SLC35F1: variants seen among roughly 807,000 people sequenced by gnomAD.
The protein encoded by SLC35F1 is chromosome 6 open reading frame 169.
SLC35F1 carries 14 observed loss-of-function variants against 48.7 expected under a neutral mutation model. The ratio of observed to expected loss-of-function variants is 0.29; its 90% CI spans 0.19 to 0.45. SLC35F1 has a LOEUF of 0.45. SLC35F1 is among the 20% of genes least tolerant of loss of function. The pLI is 1.00. For missense variants in SLC35F1, 404 were observed against 500.0 expected, an observed-to-expected ratio of 0.81 and a Z score of 1.83; for synonymous variants, 190 against 202.2, an observed-to-expected ratio of 0.94 and a Z score of 0.51.
At chr6:117,934,817 A>G (rs1189532970) in intron 1 of SLC35F1, among the ~76,000 whole-genome samples, 3 of 152,076 alleles carry the variant, frequency 2.0e-5, no homozygotes, top group Admixed American at 6.6e-5. Context: ...TGTGAAAACT[A>G]CTCACTTGGC....
chr6:117,911,165 G>C (rs1359793638), intron 1 of SLC35F1, among the ~76,000 whole-genome samples: 1 of 151,994 alleles, frequency 6.6e-6, no homozygotes, highest in Non-Finnish European at 1.5e-5. Context: ...TTCAAGACTT[G>C]GTGAAAGAGG....
At chr6:118,237,400 CT>C (rs1194036606) in intron 3 of SLC35F1, among the ~76,000 whole-genome samples, 5 of 151,336 alleles carry the variant, frequency 3.3e-5, no homozygotes, top group East Asian at 1.9e-4. Flanking sequence ...CAGTGCATAA[CT>C]TTTTTTTTCC....
chr6:118,088,858 A>G (rs1046845813), intron 1 of SLC35F1, among the ~76,000 whole-genome samples: 2 of 152,184 alleles, frequency 1.3e-5, no homozygotes, highest in African/African-American at 4.8e-5. Flanking sequence ...ACACTTCTAC[A>G]TTCATCAAGC....
chr6:118,290,984 G>A (rs1159448060), intron 7 of SLC35F1, among the ~76,000 whole-genome samples: 3 of 151,810 alleles, frequency 2.0e-5, no homozygotes, highest in South Asian at 2.1e-4. Flanking sequence ...TAGTAGAGAC[G>A]GATTTTCACT....
chr6:118,041,201 A>G (rs922744922), intron 1 of SLC35F1, among the ~76,000 whole-genome samples: 5 of 152,204 alleles, frequency 3.3e-5, no homozygotes, highest in African/African-American at 1.2e-4. Flanking sequence ...AAATTTATTA[A>G]AATATGAAGA....
intron 7 of SLC35F1, among the ~76,000 whole-genome samples, chr6:118,304,396 AAAG>A (rs1029864101): frequency 5.5e-5 from 4 of 73,358 alleles, no homozygotes; most frequent in African/African-American, 2.4e-4. Context: ...GAAGAAAAGA[AAAG>A]AAGAAGAAAG....
intron 1 of SLC35F1, among the ~76,000 whole-genome samples, chr6:117,982,892 T>C (rs1776799765): frequency 6.6e-6 from 1 of 152,150 alleles, no homozygotes; most frequent in African/African-American, 2.4e-5. Context: ...ATCAGCAAAT[T>C]AACCAATCTG....
At chr6:118,058,542 T>G (rs945731857) in intron 1 of SLC35F1, among the ~76,000 whole-genome samples, 1 of 152,212 alleles carries the variant, frequency 6.6e-6, no homozygotes, top group African/African-American at 2.4e-5. Flanking sequence ...TTAGAAGTGC[T>G]TAGAGAATAT....
chr6:118,291,573 T>A (rs1449683091), intron 7 of SLC35F1, among the ~76,000 whole-genome samples: 1 of 152,216 alleles, frequency 6.6e-6, no homozygotes, highest in Non-Finnish European at 1.5e-5. Context: ...TAAATTTATC[T>A]ATTTGGTTAA....
chr6:118,063,039 C>G (rs543953108), intron 1 of SLC35F1, among the ~76,000 whole-genome samples: 1 of 151,994 alleles, frequency 6.6e-6, no homozygotes, highest in African/African-American at 2.4e-5. Flanking sequence ...GGAAAAGTAG[C>G]TAAGATTTGA....
chr6:117,944,683 A>G (rs1415493270), intron 1 of SLC35F1, among the ~76,000 whole-genome samples: 1 of 152,014 alleles, frequency 6.6e-6, no homozygotes, highest in African/African-American at 2.4e-5. Flanking sequence ...AACTTACTTT[A>G]CTACCATCCC....
At chr6:117,940,423 C>A (rs1208811920) in intron 1 of SLC35F1, among the ~76,000 whole-genome samples, 1 of 152,060 alleles carries the variant, frequency 6.6e-6, no homozygotes, top group Non-Finnish European at 1.5e-5. Context: ...TCTATTTATT[C>A]AGCATTATTG....
chr6:118,057,924 C>T (rs1235144828), intron 1 of SLC35F1, among the ~76,000 whole-genome samples: 1 of 152,020 alleles, frequency 6.6e-6, no homozygotes, highest in Non-Finnish European at 1.5e-5. Flanking sequence ...GATTAAAAGG[C>T]AGGCAGGGAT....
chr6:118,219,062 G>A (rs548923912), intron 2 of SLC35F1, among the ~76,000 whole-genome samples: 42 of 152,126 alleles, frequency 2.8e-4, no homozygotes, highest in Non-Finnish European at 5.3e-4. Flanking sequence ...ATTTTAACAC[G>A]GACCTTTAGG....
In SLC35F1 at chr6:117,928,810, A is replaced by G. The variant is rs146642537; in HGVS notation, c.173+20911A>G. ...TGTACATGGTCTGCAGTTATGGCTCATGTCTCACCAGTACTACAAAGGGGT... is the reference window on the plus strand; with the variant it reads ...TGTACATGGTCTGCAGTTATGGCTCGTGTCTCACCAGTACTACAAAGGGGT... On this transcript the variant is annotated intron_variant, in intron 1 of 7. Transcript: ENST00000360388. Among the ~76,000 whole-genome samples, 816 of 152,238 alleles carry G rather than the reference A, an allele frequency of 5.4e-3. 4 individuals are homozygous for G. The highest frequency in any genetic ancestry group is 6.6e-3 in the Non-Finnish European group (446 of 67,994).
intron 1 of SLC35F1, among the ~76,000 whole-genome samples, chr6:117,948,875 C>T (rs763647336): frequency 2.0e-5 from 3 of 151,706 alleles, no homozygotes; most frequent in East Asian, 1.9e-4. Flanking sequence ...CAGAGTTTCT[C>T]GGGGACTAAG....
intron 2 of SLC35F1, among the ~76,000 whole-genome samples, chr6:118,212,433 T>C (rs1482387955): frequency 6.6e-6 from 1 of 152,130 alleles, no homozygotes; most frequent in Non-Finnish European, 1.5e-5. Flanking sequence ...CTCACACCTG[T>C]AATCCCACCA....
At chr6:118,224,680 G>C (rs1299862948) in intron 2 of SLC35F1, among the ~76,000 whole-genome samples, 1 of 152,084 alleles carries the variant, frequency 6.6e-6, no homozygotes, top group East Asian at 1.9e-4. Context: ...GTTATAAATG[G>C]GATTGCTTTC....
chr6:118,274,938 T>C (rs1256916013), intron 4 of SLC35F1, among the ~76,000 whole-genome samples: 1 of 152,210 alleles, frequency 6.6e-6, no homozygotes, highest in Non-Finnish European at 1.5e-5. Context: ...ATACTGATTC[T>C]GTTTGTTCTA....
Sources: gnomAD v4.1 joint callset for allele counts (sites outside exome capture counted in the v4.1 genomes callset) on GRCh38, gnomAD v4.1.1 for gene constraint, MANE v1.5 for transcripts, NCBI Gene and HGNC (gene_info 2026-07-23, HGNC 2026-07-21) for gene names.